SPMAP2L: variants seen among roughly 807,000 people sequenced by gnomAD.
The protein encoded by SPMAP2L is sperm microtubule associated protein 2 like, also known as sperm microtubule associated protein 2-like.
chr4:56,565,343 G>T, the SPMAP2L span, among the ~76,000 whole-genome samples: 1 of 152,114 alleles, frequency 6.6e-6, no homozygotes. Flanking sequence ...GTACTCTAAA[G>T]CTCTGTTATT....
At chr4:56,545,478 C>A in the SPMAP2L span, among the ~76,000 whole-genome samples, 1 of 152,110 alleles carries the variant, frequency 6.6e-6, no homozygotes, top group African/African-American at 2.4e-5. Flanking sequence ...TCATGCCCAG[C>A]ACTTTGGGAG....
At chr4:56,586,894 A>G in the SPMAP2L span, among the ~76,000 whole-genome samples, 34 of 149,372 alleles carry the variant, frequency 2.3e-4, no homozygotes, top group African/African-American at 8.6e-4. Flanking sequence ...AGTGTCAAAG[A>G]ATTTATAGGC....
At chr4:56,594,546 G>T in the SPMAP2L span, 2 of 1,608,818 alleles carry the variant, frequency 1.2e-6, no homozygotes, top group Non-Finnish European at 1.7e-6. Flanking sequence ...GCCACTATCC[G>T]AGCCTACTTA....
chr4:56,584,856 G>T, the SPMAP2L span, among the ~76,000 whole-genome samples: 3 of 152,356 alleles, frequency 2.0e-5, no homozygotes, highest in South Asian at 6.2e-4. Flanking sequence ...TGTGGGAACT[G>T]GTGGAGAAGC....
the SPMAP2L span, chr4:56,603,159 C>A: frequency 7.6e-7 from 1 of 1,316,554 alleles, no homozygotes; most frequent in Non-Finnish European, 1.0e-6. Flanking sequence ...ACATTAGCTA[C>A]CTTCTCTGTT....
chr4:56,624,490 A>G, the SPMAP2L span, among the ~76,000 whole-genome samples: 1 of 152,192 alleles, frequency 6.6e-6, no homozygotes, highest in African/African-American at 2.4e-5. Context: ...AGGGACCTTC[A>G]TGGCAGCCCC....
chr4:56,533,660 G>A, the SPMAP2L span, among the ~76,000 whole-genome samples: 1 of 151,734 alleles, frequency 6.6e-6, no homozygotes, highest in Admixed American at 6.6e-5. Context: ...ACAAACATGT[G>A]CAATGGACCG....
chr4:56,625,794 G>A, the SPMAP2L span, among the ~76,000 whole-genome samples: 2 of 152,088 alleles, frequency 1.3e-5, no homozygotes, highest in Admixed American at 6.6e-5. Context: ...GCATGAAAAC[G>A]GACTAATACA....
chr4:56,586,032 G>T, the SPMAP2L span, among the ~76,000 whole-genome samples: 9 of 152,126 alleles, frequency 5.9e-5, no homozygotes, highest in African/African-American at 2.2e-4. Context: ...TTATGACTGA[G>T]AAATTCTGAC....
chr4:56,610,850 G>A, the SPMAP2L span, among the ~76,000 whole-genome samples: 5 of 152,164 alleles, frequency 3.3e-5, no homozygotes, highest in South Asian at 2.1e-4. Context: ...AAAAATGCTC[G>A]ACATCACTAA....
At chr4:56,560,077 A>T in the SPMAP2L span, among the ~76,000 whole-genome samples, 180 of 152,308 alleles carry the variant, frequency 1.2e-3, 1 homozygote, top group East Asian at 0.015. Flanking sequence ...AGGATTAAAA[A>T]AAATAAAGTG....
At chr4:56,565,450 GACTGGAAAGTTAC>G in the SPMAP2L span, among the ~76,000 whole-genome samples, 3 of 152,152 alleles carry the variant, frequency 2.0e-5, no homozygotes, top group Non-Finnish European at 2.9e-5. Flanking sequence ...GTGTTGACAT[GACTGGAAAGTTAC>G]ACACCTGACC....
chr4:56,566,695 C>CTTTTTTTTTTTTTTTTTTTTTTT, the SPMAP2L span, among the ~76,000 whole-genome samples: 2 of 92,448 alleles, frequency 2.2e-5, no homozygotes, highest in Non-Finnish European at 4.1e-5. Context: ...TTTTCTTTTT[C>CTTTTTTTTTTTTTTTTTTTTTTT]TTTTTTTTTT....
the SPMAP2L span, among the ~76,000 whole-genome samples, chr4:56,566,136 C>T: frequency 3.3e-5 from 5 of 152,066 alleles, no homozygotes; most frequent in African/African-American, 1.2e-4. Flanking sequence ...CTGTTGTTTT[C>T]TGTTTATTCC....
the SPMAP2L span, among the ~76,000 whole-genome samples, chr4:56,543,929 TGAGAGAGAGAGAGA>T: frequency 1.5e-5 from 2 of 131,358 alleles, no homozygotes; most frequent in Admixed American, 7.5e-5. Flanking sequence ...TGTGTGTATG[TGAGAGAGAGAGAGA>T]GAGAGAGTGT....
chr4:56,559,508 A>G, the SPMAP2L span: 1,705 of 1,522,144 alleles, frequency 1.1e-3, 18 homozygotes, highest in African/African-American at 0.021. Flanking sequence ...TCCTGCCACT[A>G]TGTACCTAAC....
chr4:56,560,291 C>G, the SPMAP2L span, among the ~76,000 whole-genome samples: 1 of 152,190 alleles, frequency 6.6e-6, no homozygotes, highest in African/African-American at 2.4e-5. Context: ...GTTCCCCTCA[C>G]CTTGGCTTCA....
At chr4:56,571,702 T>A in the SPMAP2L span, among the ~76,000 whole-genome samples, 1 of 152,122 alleles carries the variant, frequency 6.6e-6, no homozygotes, top group African/African-American at 2.4e-5. Context: ...AAAAAAATTA[T>A]CTGGGCATAG....
At chr4:56,606,116 T>C in the SPMAP2L span, among the ~76,000 whole-genome samples, 1 of 152,330 alleles carries the variant, frequency 6.6e-6, no homozygotes, top group African/African-American at 2.4e-5. Flanking sequence ...AATAAAGGAC[T>C]CTTAATTCGT....
Sources: allele counts gnomAD v4.1 joint callset (sites outside exome capture counted in the v4.1 genomes callset), GRCh38; gene constraint gnomAD v4.1.1; transcripts MANE v1.5; gene names NCBI Gene and HGNC (gene_info 2026-07-23, HGNC 2026-07-21).